ACSF3: variants seen among roughly 807,000 people sequenced by gnomAD.
ACSF3 encodes the protein malonate--CoA ligase ACSF3, mitochondrial.
A neutral mutation model predicts 53.2 loss-of-function variants in ACSF3; 78 were observed. That is an observed-to-expected ratio of 1.47 (90% CI 1.22 to 1.77). The LOEUF (loss-of-function observed/expected upper bound fraction) is 1.77. Ranked by LOEUF, ACSF3 falls within the 40% of genes most tolerant of loss-of-function variation. ACSF3 has a pLI of 0.00. For missense variants in ACSF3, 937 were observed against 771.1 expected (o/e 1.22, Z -2.55); for synonymous variants, 414 against 333.1 (o/e 1.24, Z -2.65).
rs1352703622 is a variant in ACSF3, at chr16:89,154,601, C to T, written c.*394C>T. 1 of 456,750 alleles carries T rather than the reference C, an allele frequency of 2.2e-6. No homozygotes were observed. The highest frequency in any genetic ancestry group is 4.4e-6 in the Non-Finnish European group (1 of 228,746). 28.3% of individuals were successfully genotyped at this position (456,750 alleles called of 1,614,324 possible). On this transcript the variant is annotated 3_prime_UTR_variant, in exon 11 of 11. Transcript: ENST00000614302. ...CTGGAGGAAACAAGCCCCTGTCCCA[C>T]GCCGTCTGCACGTGCCTGTGCCTCA...
At chr16:89,119,646 C>T (rs535644458) in intron 6 of ACSF3, among the ~76,000 whole-genome samples, 8 of 152,338 alleles carry the variant, frequency 5.3e-5, no homozygotes, top group East Asian at 1.9e-4. Context: ...AGTGGTGACA[C>T]GGGTTTCTGA....
chr16:89,133,600 G>T (rs970129085), intron 8 of ACSF3, among the ~76,000 whole-genome samples: 3 of 152,176 alleles, frequency 2.0e-5, no homozygotes, highest in African/African-American at 7.2e-5. Flanking sequence ...GCCCTTCCTG[G>T]TGGCCCTGCT....
At chr16:89,133,283 A>C (rs751859162) in intron 8 of ACSF3, 21 bp downstream of exon 8, 1 of 1,613,642 alleles carries the variant, frequency 6.2e-7, no homozygotes, top group East Asian at 2.2e-5. Flanking sequence ...GCCCCATGGG[A>C]GTGGAGGAGA....
chr16:89,136,572 G>A (rs1266396988), intron 8 of ACSF3: 4 of 1,279,568 alleles, frequency 3.1e-6, no homozygotes, highest in Admixed American at 4.6e-5. Context: ...CACGGATTCT[G>A]GCATAAGCCG....
rs902410412 is a variant in ACSF3, at chr16:89,093,877, C to G, written c.-313C>G. The G allele has an allele frequency of 6.3e-6, 2 of 317,148 alleles. No individual in the cohort carries two copies. Among genetic ancestry groups the G allele is most frequent in the Admixed American group, 3.3e-5 (1 of 30,402 alleles). The allele number at this position is 317,148 out of a possible 1,614,324, so 19.6% of individuals were successfully genotyped here. A position where few individuals can be genotyped will look rare whatever the true frequency, so the allele number is the denominator to read the frequency against. On this transcript the variant is annotated 5_prime_UTR_variant, in exon 1 of 11. Coordinates refer to ENST00000614302, the MANE Select transcript of ACSF3 (RefSeq NM_001243279.3). Reference sequence around the variant, plus strand: ...GTTGGGCGCCGGAACTGGTCCGGCCCGACTCACGACCCCGCGGGACCCGGC... The same window carrying G: ...GTTGGGCGCCGGAACTGGTCCGGCCGGACTCACGACCCCGCGGGACCCGGC...
At chr16:89,135,208 G>A (rs998711595) in intron 8 of ACSF3, among the ~76,000 whole-genome samples, 4 of 151,756 alleles carry the variant, frequency 2.6e-5, no homozygotes, top group African/African-American at 9.7e-5. Flanking sequence ...AATCAGAAAC[G>A]CATCTGCCCC....
At chr16:89,145,159 A>G in intron 8 of ACSF3, 108 bp from the exon 9 acceptor site, 4 of 1,611,900 alleles carry the variant, frequency 2.5e-6, no homozygotes, top group Non-Finnish European at 3.4e-6. Context: ...CCCTTTCCTC[A>G]GAGGACACCG....
At chr16:89,102,290 G>C (rs1026316631) in intron 3 of ACSF3, 3 of 428,110 alleles carry the variant, frequency 7.0e-6, no homozygotes, top group African/African-American at 6.1e-5. Flanking sequence ...CTGAGTCCCA[G>C]GCTTGGGCAG....
intron 8 of ACSF3, chr16:89,136,708 G>T: frequency 1.6e-6 from 2 of 1,287,244 alleles, no homozygotes; most frequent in Non-Finnish European, 1.0e-6. Flanking sequence ...GATGCCAGCC[G>T]CTCCTGCCTC....
intron 4 of ACSF3, among the ~76,000 whole-genome samples, chr16:89,110,409 T>G (rs1976548280): frequency 6.6e-6 from 1 of 152,200 alleles, no homozygotes; most frequent in Non-Finnish European, 1.5e-5. Context: ...AGATTATCCT[T>G]TTGTCCTTTT....
rs1023807312 is a variant in ACSF3, at chr16:89,100,581, G to A, written c.-20-81G>A. 6.1e-5 allele frequency: 83 copies of A among 1,361,816 alleles called. No homozygotes were observed. The East Asian group carries it at 1.3e-3, about 22-fold the overall frequency. The allele number at this position is 1,361,816 out of a possible 1,614,324, so 84.4% of individuals were successfully genotyped here. A position where few individuals can be genotyped will look rare whatever the true frequency, so the allele number is the denominator to read the frequency against. The stretch of plus-strand genomic sequence containing the variant: ...AGCAGGCGTACCTGGCTGGGTACTG[G>A]GGAGGTGTTTTAAATCCTGTCTTGG... On this transcript the variant is annotated intron_variant, in intron 2 of 10. Transcript: ENST00000614302.
At chr16:89,121,349 G>A (rs1018818644) in intron 7 of ACSF3, among the ~76,000 whole-genome samples, 2 of 152,180 alleles carry the variant, frequency 1.3e-5, no homozygotes, top group African/African-American at 2.4e-5. Context: ...CTGACCACAG[G>A]CCCCCATAGT....
At chr16:89,100,477 C>T (rs1975141638) in intron 2 of ACSF3, 185 bp from the exon 3 acceptor site, 4 of 613,546 alleles carry the variant, frequency 6.5e-6, no homozygotes, top group South Asian at 2.0e-5. Flanking sequence ...ATGCTGGGCA[C>T]GTACGGAACG....
rs533518151 is a variant in ACSF3, at chr16:89,094,010, G to C, written c.-194+14G>C. 2.5e-4 allele frequency: 42 copies of C among 169,920 alleles called. No individual in the cohort carries two copies. Among genetic ancestry groups the C allele is most frequent in the Middle Eastern group, 2.5e-3 (1 of 398 alleles). 10.5% of individuals were successfully genotyped at this position (169,920 alleles called of 1,614,324 possible). ...GCCGTCTCGTAGGTGCGGGCGGCGG[G>C]GCCCACGGGACCGCGGCGGGGTCGG... On this transcript the variant is annotated intron_variant, in intron 1 of 10. Coordinates refer to ENST00000614302, the MANE Select transcript of ACSF3 (RefSeq NM_001243279.3).
At chr16:89,115,905 G>A (rs529360909) in intron 6 of ACSF3, among the ~76,000 whole-genome samples, 3 of 152,322 alleles carry the variant, frequency 2.0e-5, no homozygotes, top group African/African-American at 7.2e-5. Context: ...TGTCAGCTGT[G>A]CGATTTTAAA....
chr16:89,120,614 C>T (rs937302115), intron 6 of ACSF3, among the ~76,000 whole-genome samples, 187 bp from the exon 7 acceptor site: 28 of 152,242 alleles, frequency 1.8e-4, no homozygotes, highest in African/African-American at 5.5e-4. Flanking sequence ...AGCCACGTAT[C>T]GTGTGGCTTT....
chr16:89,114,091 C>G, intron 5 of ACSF3: 1 of 567,274 alleles, frequency 1.8e-6, no homozygotes, highest in African/African-American at 1.9e-5. Context: ...AGCTGTTGGA[C>G]CTGCTTCCTT....
At chr16:89,139,200 G>T (rs1027431377) in intron 8 of ACSF3, among the ~76,000 whole-genome samples, 2 of 152,228 alleles carry the variant, frequency 1.3e-5, no homozygotes, top group African/African-American at 4.8e-5. Context: ...AGTCGGGAAA[G>T]TCTTGGTTTT....
intron 8 of ACSF3, among the ~76,000 whole-genome samples, chr16:89,139,239 G>C (rs1034971417): frequency 6.6e-6 from 1 of 152,136 alleles, no homozygotes; most frequent in Non-Finnish European, 1.5e-5. Flanking sequence ...ATTCCTCGTG[G>C]GCTGGGCTGG....
Sources: allele counts gnomAD v4.1 joint callset (sites outside exome capture counted in the v4.1 genomes callset), GRCh38; gene constraint gnomAD v4.1.1; transcripts MANE v1.5; gene names NCBI Gene and HGNC (gene_info 2026-07-23, HGNC 2026-07-21).